Variants in VEPH1 observed in about 807,000 individuals in gnomAD.
The protein encoded by VEPH1 is ventricular zone expressed PH domain containing 1.
In VEPH1, 80 loss-of-function variants were observed where a neutral mutation model predicts 85.2. The observed-to-expected ratio is 0.94, with a 90% CI of 0.78 to 1.13. The LOEUF (loss-of-function observed/expected upper bound fraction) is 1.13, where lower values mean the gene tolerates loss of function less well. Ranked by LOEUF, VEPH1 falls within the 50% of genes most tolerant of loss-of-function variation. The probability of loss-of-function intolerance (pLI) is 0.00; values close to 1 mark genes in which losing one functional copy is unlikely to be tolerated. For missense variants in VEPH1, 955 were observed against 980.5 expected (o/e 0.97, Z 0.35); for synonymous variants, 297 against 348.0 (o/e 0.85, Z 1.63).
intron 6 of VEPH1, among the ~76,000 whole-genome samples, chr3:157,401,390 T>A (rs914599020): frequency 6.6e-6 from 1 of 152,172 alleles, no homozygotes; most frequent in Non-Finnish European, 1.5e-5. Context: ...GAACTTTCCA[T>A]AATTTACTCA....
intron 9 of VEPH1, among the ~76,000 whole-genome samples, chr3:157,337,432 C>T (rs184166222): frequency 2.0e-4 from 31 of 152,218 alleles, no homozygotes; most frequent in Non-Finnish European, 4.3e-4. Context: ...AACTATTGCA[C>T]ATTTTTCAAA....
intron 6 of VEPH1, among the ~76,000 whole-genome samples, chr3:157,404,440 T>G (rs555478360): frequency 3.3e-5 from 5 of 152,180 alleles, no homozygotes; most frequent in Non-Finnish European, 7.4e-5. Flanking sequence ...CTTGGGAAAG[T>G]CCTAGAAATG....
At chr3:157,466,336 A>G (rs1005654344) in intron 3 of VEPH1, among the ~76,000 whole-genome samples, 2 of 152,170 alleles carry the variant, frequency 1.3e-5, no homozygotes, top group African/African-American at 2.4e-5. Context: ...GCACAGATAG[A>G]GATCGCTTTT....
At chr3:157,376,943 T>A (rs1030716803) in intron 7 of VEPH1, among the ~76,000 whole-genome samples, 13 of 152,238 alleles carry the variant, frequency 8.5e-5, no homozygotes, top group African/African-American at 2.4e-4. Context: ...TTTTGCTGCA[T>A]GCTTTAGACA....
At chr3:157,334,081 C>T (rs559436174) in intron 9 of VEPH1, among the ~76,000 whole-genome samples, 19 of 152,294 alleles carry the variant, frequency 1.2e-4, no homozygotes, top group African/African-American at 4.3e-4. Flanking sequence ...ATCAACTCCA[C>T]GTAGTGTGTA....
At chr3:157,426,381 T>G (rs982181516) in intron 5 of VEPH1, among the ~76,000 whole-genome samples, 68 of 152,236 alleles carry the variant, frequency 4.5e-4, no homozygotes, top group African/African-American at 1.6e-3. Context: ...CTAGCACCTA[T>G]TTGGAGATGA....
Position 157,426,676 on chromosome 3 carries a change from C to A in VEPH1, c.696+1646G>T, listed in dbSNP as rs187613625. Among the ~76,000 whole-genome samples the A allele has an allele frequency of 7.3e-3, 1,107 of 152,276 alleles. 14 individuals are homozygous for A. The highest frequency in any genetic ancestry group is 8.9e-3 in the Non-Finnish European group (607 of 68,034). On this transcript the variant is annotated intron_variant, in intron 5 of 13. Transcript: ENST00000362010. ...TGCTGTCACTATAGGCTGATTAATT[C>A]ACAAATAAAGTTAAGTGTAGGTCTT...
intron 6 of VEPH1, among the ~76,000 whole-genome samples, chr3:157,403,087 C>T (rs1241219228): frequency 6.6e-6 from 1 of 152,124 alleles, no homozygotes; most frequent in African/African-American, 2.4e-5. Flanking sequence ...TATAGTTAGT[C>T]ATGGCTTTGC....
intron 7 of VEPH1, among the ~76,000 whole-genome samples, chr3:157,373,553 C>A (rs1312356643): frequency 6.6e-6 from 1 of 152,106 alleles, no homozygotes; most frequent in East Asian, 1.9e-4. Context: ...TTTGGGGAAC[C>A]AAAATAGTGA....
chr3:157,324,846 T>A (rs1721725937), intron 9 of VEPH1, among the ~76,000 whole-genome samples: 1 of 152,202 alleles, frequency 6.6e-6, no homozygotes. Flanking sequence ...CCTTTGGGCA[T>A]ATACCCAGTA....
At chr3:157,357,103 C>T (rs1418775547) in intron 9 of VEPH1, among the ~76,000 whole-genome samples, 1 of 152,192 alleles carries the variant, frequency 6.6e-6, no homozygotes. Flanking sequence ...TTTACACCAC[C>T]CACATCTCCT....
chr3:157,463,202 A>G (rs888855563), intron 3 of VEPH1, among the ~76,000 whole-genome samples: 36 of 152,232 alleles, frequency 2.4e-4, no homozygotes, highest in African/African-American at 8.2e-4. Context: ...AAACAAAAAC[A>G]GAACTGATAA....
intron 6 of VEPH1, among the ~76,000 whole-genome samples, chr3:157,394,098 A>G (rs918212505): frequency 2.4e-4 from 36 of 152,214 alleles, no homozygotes; most frequent in African/African-American, 8.2e-4. Flanking sequence ...ATTATCCGGC[A>G]TTTGGGTTTC....
At chr3:157,367,123 CTTACATAATTTTATAAGTTTTCTATGGCT>C (rs1463253613) in intron 7 of VEPH1, among the ~76,000 whole-genome samples, 2 of 152,156 alleles carry the variant, frequency 1.3e-5, no homozygotes, top group Non-Finnish European at 2.9e-5. Context: ...AACCATTTTT[CTTACATAATTTTATAAGTTTTCTATGGCT>C]TTACATAATT....
chr3:157,278,682 G>C (rs923206123), intron 12 of VEPH1, among the ~76,000 whole-genome samples: 1 of 152,206 alleles, frequency 6.6e-6, no homozygotes, highest in South Asian at 2.1e-4. Context: ...CACTAGTGCT[G>C]TGGAGAGAAA....
At chr3:157,304,038 T>TATAC in intron 11 of VEPH1, among the ~76,000 whole-genome samples, 16,896 of 96,942 alleles carry the variant, frequency 0.17, 2,550 homozygotes, top group African/African-American at 0.33. Context: ...TATATATATA[T>TATAC]ACACACATAC....
chr3:157,325,644 G>A (rs542754161), intron 9 of VEPH1, among the ~76,000 whole-genome samples: 2 of 152,208 alleles, frequency 1.3e-5, no homozygotes, highest in South Asian at 4.1e-4. Context: ...AAGACCAGAT[G>A]GTTATAGGTG....
intron 9 of VEPH1, among the ~76,000 whole-genome samples, chr3:157,338,610 C>T (rs970274930): frequency 3.9e-5 from 6 of 152,046 alleles, no homozygotes; most frequent in African/African-American, 1.4e-4. Flanking sequence ...CTTAACTATT[C>T]TGTTTCTTTT....
At chr3:157,299,559 C>CAA (rs10535235) in intron 11 of VEPH1, among the ~76,000 whole-genome samples, 206 of 102,998 alleles carry the variant, frequency 2.0e-3, no homozygotes, top group African/African-American at 7.1e-3. Flanking sequence ...GGCCCTGTCT[C>CAA]AAAAAAAAAA....
Sources: allele counts gnomAD v4.1 joint callset (sites outside exome capture counted in the v4.1 genomes callset), GRCh38; gene constraint gnomAD v4.1.1; transcripts MANE v1.5; gene names NCBI Gene and HGNC (gene_info 2026-07-23, HGNC 2026-07-21).